The following GSC variants were observed in gnomAD, a reference collection of about 807,000 sequenced individuals.
GSC encodes homeobox protein goosecoid.
A neutral mutation model predicts 24.5 loss-of-function variants in GSC; 13 were observed. The observed-to-expected ratio is 0.53, with a 90% CI of 0.35 to 0.84. GSC has a LOEUF of 0.84. Ranked by LOEUF, GSC falls within the 40% of genes least tolerant of loss-of-function variation. GSC has a pLI of 0.01. For missense variants in GSC, 382 were observed against 384.2 expected, an observed-to-expected ratio of 0.99 and a Z score of 0.05; for synonymous variants, 199 against 182.1, an observed-to-expected ratio of 1.09 and a Z score of -0.75.
intron 1 of GSC, 27 bp downstream of exon 1, chr14:94,769,634 C>T: frequency 2.8e-6 from 4 of 1,404,336 alleles, no homozygotes; most frequent in Non-Finnish European, 2.8e-6. Flanking sequence ...CAGTGGGCGG[C>T]AGAGGCCGGA....
intron 2 of GSC, 57 bp from the exon 3 acceptor site, chr14:94,768,706 CGGGGCACCCG>C: frequency 1.3e-6 from 2 of 1,599,436 alleles, no homozygotes; most frequent in Non-Finnish European, 1.7e-6. Flanking sequence ...CCCCCAGTCC[CGGGGCACCCG>C]GGGAGCTTGG....
intron 2 of GSC, 58 bp from the exon 3 acceptor site, chr14:94,768,707 G>T: frequency 6.3e-7 from 1 of 1,599,328 alleles, no homozygotes; most frequent in South Asian, 1.1e-5. Flanking sequence ...CCCCAGTCCC[G>T]GGGCACCCGG....
chr14:94,768,574 T>C lies in GSC; in HGVS notation c.691A>G (p.Lys231Glu). ...SSSEESENAE[K>E]WNKTSSSKAS... Reference sequence around the variant, plus strand: ...TTCGACGACGACGTCTTGTTCCACTTCTCCGCGTTCTCCGACTCCTCTGAT... The same window carrying C: ...TTCGACGACGACGTCTTGTTCCACTCCTCCGCGTTCTCCGACTCCTCTGAT... Residue 231 changes from lysine to glutamate, a missense_variant, in exon 3 of 3, where the codon AAG (lysine) becomes GAG (glutamate). Physicochemically the swap from Lys to Glu is moderately conservative, Grantham distance 56. Coordinates refer to ENST00000238558, the MANE Select transcript of GSC (RefSeq NM_173849.3). The C allele has an allele frequency of 6.2e-7, 1 of 1,614,170 alleles. No individual in the cohort carries two copies. The highest frequency in any genetic ancestry group is 1.7e-5 in the Admixed American group (1 of 60,028).
Position 94,769,019 on chromosome 14 carries a change from G to T in GSC, c.554C>A (p.Pro185Gln). Residue 185 changes from proline (P) to glutamine (Q), a missense_variant, in exon 2 of 3, where the codon CCG becomes CAG. Transcript: ENST00000238558. Reference protein sequence around the residue: ...LENLFQETKYPDVGTREQLAR... With the variant: ...LENLFQETKYQDVGTREQLAR... ...CAGCTGCTCGCGCGTGCCCACGTCCGGGTACTTGGTCTCCTGGAAGAGGTT... is the reference window on the plus strand; with the variant it reads ...CAGCTGCTCGCGCGTGCCCACGTCCTGGTACTTGGTCTCCTGGAAGAGGTT... 2 of 1,597,046 alleles carry T rather than the reference G, an allele frequency of 1.3e-6. No homozygotes were observed.
rs771631083 is a variant in GSC at position 94,768,530 on chromosome 14, C to T, written c.735G>A (p.Arg245=). 5.0e-6 allele frequency: 8 copies of T among 1,614,100 alleles called. No homozygotes were observed. The African/African-American group carries it at 8.0e-5, about 16-fold the overall frequency. The change falls in exon 3 of 3, where the codon AGG becomes AGA. Residue 245 remains arginine, a synonymous_variant. Coordinates refer to ENST00000238558, the MANE Select transcript of GSC (RefSeq NM_173849.3). ...CCAAATCGCTTTTACCTTCCTCTTC[C>T]CTCTTCTCCGGTGACGCCTTCGACG... ...TSSSKASPEK[R]EEEGKSDLDS... is the part of the protein sequence containing the mutation.
At chr14:94,768,853 G>A (rs1885223432) in intron 2 of GSC, 105 bp downstream of exon 2, 1 of 1,478,194 alleles carries the variant, frequency 6.8e-7, no homozygotes, top group Non-Finnish European at 9.1e-7. Flanking sequence ...CCATCGGGAT[G>A]TTTTTAAAGT....
Position 94,770,065 on chromosome 14 carries a change from A to G in GSC, c.-50T>C, listed in dbSNP as rs764449322. The G allele has an allele frequency of 1.3e-6, 2 of 1,492,388 alleles. No individual in the cohort carries two copies. Among genetic ancestry groups the G allele is most frequent in the African/African-American group, 1.4e-5 (1 of 69,548 alleles). 92.4% of individuals were successfully genotyped at this position (1,492,388 alleles called of 1,614,324 possible). ...GGGGCGGCGGGAACGCGCCGAGGAC[A>G]GAGCCTTAAAGTGGGGGGGTCCACT... is the stretch of plus-strand genomic sequence containing the variant. On this transcript the variant is annotated 5_prime_UTR_variant, in exon 1 of 3. Coordinates refer to ENST00000238558, the MANE Select transcript of GSC (RefSeq NM_173849.3).
In GSC at chr14:94,769,811, G is replaced by C; in HGVS notation, c.205C>G (p.Leu69Val). ...CGGGAGCCGCTGACCGCGGCCGGGA[G>C]GCCCGCGCCGCCGGGGGCCACGGGG... ...PRPVAPGGAG[L>V]PAAVSGSRLG... Residue 69 changes from leucine (L) to valine (V), a missense_variant, in exon 1 of 3, where the codon CTC becomes GTC. Physicochemically the swap from Leu to Val is conservative, Grantham distance 32. Coordinates refer to ENST00000238558, the MANE Select transcript of GSC (RefSeq NM_173849.3). The C allele has an allele frequency of 7.1e-7, 1 of 1,413,600 alleles. No homozygotes were observed. The highest frequency in any genetic ancestry group is 9.1e-7 in the Non-Finnish European group (1 of 1,096,100). 87.6% of individuals were successfully genotyped at this position (1,413,600 alleles called of 1,614,324 possible). A position where few individuals can be genotyped will look rare whatever the true frequency, so the allele number is the denominator to read the frequency against.
Position 94,768,472 on chromosome 14 carries a change from G to T in GSC, c.*19C>A. ...TCCTTCGAGTTAGGTAAGTAATACG[G>T]GCAAGTGTCCCGCGGCCGTCAGCTG... On this transcript the variant is annotated 3_prime_UTR_variant, in exon 3 of 3. Transcript: ENST00000238558. 6.2e-7 allele frequency: 1 copy of T among 1,614,064 alleles called. No individual in the cohort carries two copies.
In GSC at chr14:94,769,731, C is replaced by G; in HGVS notation, c.285G>C (p.Val95=). The part of the protein sequence containing the change: ...YGQLHVQAAP[V]GPACCGAVPP... ...GCACGGCCCCGCAGCAGGCCGGGCC[C>G]ACGGGCGCCGCCTGCACGTGCAGCT... is the stretch of plus-strand genomic sequence containing the variant. Residue 95 remains valine (V), a synonymous_variant, in exon 1 of 3, where the codon GTG becomes GTC. Coordinates refer to ENST00000238558, the MANE Select transcript of GSC (RefSeq NM_173849.3). 1 of 1,444,338 alleles carries G rather than the reference C, an allele frequency of 6.9e-7. No homozygotes were observed. Among genetic ancestry groups the G allele is most frequent in the African/African-American group, 1.5e-5 (1 of 66,880 alleles). 89.5% of individuals were successfully genotyped at this position (1,444,338 alleles called of 1,614,324 possible).
rs2139703291 is a variant in GSC, at chr14:94,769,183, C to T, written c.390G>A (p.Pro130=). 1.9e-6 allele frequency: 3 copies of T among 1,561,420 alleles called. No homozygotes were observed. The highest frequency in any genetic ancestry group is 1.2e-5 in the South Asian group (1 of 84,918). ...YEGPGSVLVS[P]VPHQMLPYMN... is the part of the protein sequence containing the mutation. The stretch of plus-strand genomic sequence containing the variant: ...TGTAGGGCAGCATCTGGTGCGGTAC[C>T]GGGGACACCAGCACCGAACCGGGGC... The change falls in exon 2 of 3, where the codon CCG becomes CCA. Residue 130 remains proline (P), a synonymous_variant. Transcript: ENST00000238558.
Position 94,769,696 on chromosome 14 carries a change from C to A in GSC, c.320G>T (p.Gly107Val). ...CGGGACGCAGGAGCACTGCTGGGCG[C>A]CCAGCGGCGGCACGGCCCCGCAGCA... is the stretch of plus-strand genomic sequence containing the variant. ...PACCGAVPPL[G>V]AQQCSCVPTP... Residue 107 changes from glycine (G) to valine (V), a missense_variant, in exon 1 of 3, where the codon GGC (glycine) becomes GTC (valine). Gly to Val is a moderately radical substitution (Grantham distance 109). Coordinates refer to ENST00000238558, the MANE Select transcript of GSC (RefSeq NM_173849.3). 1 of 1,446,086 alleles carries A rather than the reference C, an allele frequency of 6.9e-7. No homozygotes were observed. Among genetic ancestry groups the A allele is most frequent in the Non-Finnish European group, 9.0e-7 (1 of 1,108,680 alleles). 89.6% of individuals were successfully genotyped at this position (1,446,086 alleles called of 1,614,324 possible).
chr14:94,768,624 T>C lies in GSC; in HGVS notation c.641A>G (p.Lys214Arg). The C allele has an allele frequency of 6.2e-7, 1 of 1,613,946 alleles. No homozygotes were observed. Among genetic ancestry groups the C allele is most frequent in the Non-Finnish European group, 8.5e-7 (1 of 1,180,026 alleles). ...TGAGGACCGCTTCTGCCGCCTCCAT[T>C]TGGCGCGGCGGTTCTTAAACCAGAC... Reference protein sequence around the residue: ...VEVWFKNRRAKWRRQKRSSSE... With the variant: ...VEVWFKNRRARWRRQKRSSSE... Residue 214 changes from lysine to arginine, a missense_variant, in exon 3 of 3, where the codon AAA (lysine) becomes AGA (arginine). Physicochemically the swap from Lys to Arg is conservative, Grantham distance 26. Coordinates refer to ENST00000238558, the MANE Select transcript of GSC (RefSeq NM_173849.3).
At position 94,769,917 on chromosome 14, in the gene GSC, G is replaced by T. The variant is rs1171511816; in HGVS notation, c.99C>A (p.Val33=). The part of the protein sequence containing the change: ...LPVAHSAAAP[V]VFPALHGDSL... ...AGTCCCCGTGCAGGGCCGGGAAGAC[G>T]ACGGGAGCCGCCGCGCTGTGCGCCA... The change falls in exon 1 of 3, where the codon GTC becomes GTA. Residue 33 remains valine, a synonymous_variant. Coordinates refer to ENST00000238558, the MANE Select transcript of GSC (RefSeq NM_173849.3). The T allele has an allele frequency of 6.5e-7, 1 of 1,533,296 alleles. No individual in the cohort carries two copies. Among genetic ancestry groups the T allele is most frequent in the Non-Finnish European group, 8.7e-7 (1 of 1,147,600 alleles). 95.0% of individuals were successfully genotyped at this position (1,533,296 alleles called of 1,614,324 possible). A position where few individuals can be genotyped will look rare whatever the true frequency, so the allele number is the denominator to read the frequency against.
At chr14:94,769,402 C>T (rs529076811) in intron 1 of GSC, among the ~76,000 whole-genome samples, 185 bp from the exon 2 acceptor site, 208 of 152,196 alleles carry the variant, frequency 1.4e-3, no homozygotes, top group Middle Eastern at 0.01. Context: ...TCCGCACACC[C>T]GCCAAAGCCA....
At position 94,769,084 on chromosome 14, in the gene GSC, G is replaced by A. The variant is rs749804563; in HGVS notation, c.489C>T (p.His163=). 4.7e-5 allele frequency: 75 copies of A among 1,592,286 alleles called. No individual in the cohort carries two copies. The Admixed American group carries it at 1.0e-3, about 22-fold the overall frequency. Residue 163 remains histidine (H), a synonymous_variant, in exon 2 of 3, where the codon CAC becomes CAT. Coordinates refer to ENST00000238558, the MANE Select transcript of GSC (RefSeq NM_173849.3). ...NQLHCRRKRR[H]RTIFTDEQLE... is the part of the protein sequence containing the mutation. ...GCTGCTCGTCAGTGAAGATGGTGCG[G>A]TGCCGCCGCTTCCGCCGACAGTGCA...
intron 1 of GSC, 63 bp from the exon 2 acceptor site, chr14:94,769,280 C>G: frequency 6.6e-7 from 1 of 1,525,928 alleles, no homozygotes; most frequent in Non-Finnish European, 8.8e-7. Flanking sequence ...TGCACGCCCG[C>G]CAGCCCCCGA....
chr14:94,769,782 G>A lies in GSC; in HGVS notation c.234C>T (p.Leu78=), dbSNP rs763969125. 2.1e-6 allele frequency: 3 copies of A among 1,431,616 alleles called. No individual in the cohort carries two copies. In the African/African-American group the frequency reaches 4.5e-5, roughly 22 times the overall value. The allele number at this position is 1,431,616 out of a possible 1,614,324, so 88.7% of individuals were successfully genotyped here. The change falls in exon 1 of 3, where the codon CTC becomes CTT. Residue 78 remains leucine, a synonymous_variant. Coordinates refer to ENST00000238558, the MANE Select transcript of GSC (RefSeq NM_173849.3). The part of the protein sequence containing the change: ...GLPAAVSGSR[L]GYNNYFYGQL... ...GCCCGTAGAAGTAGTTGTTGTAGCCGAGGCGGGAGCCGCTGACCGCGGCCG... is the reference window on the plus strand; with the variant it reads ...GCCCGTAGAAGTAGTTGTTGTAGCCAAGGCGGGAGCCGCTGACCGCGGCCG...
chr14:94,770,091 C>G lies in GSC; in HGVS notation c.-76G>C. Reference sequence around the variant, plus strand: ...GAGCCTTAAAGTGGGGGGGTCCACTCTCCTCCAGCCGCCGACCAAACCGAA... The same window carrying G: ...GAGCCTTAAAGTGGGGGGGTCCACTGTCCTCCAGCCGCCGACCAAACCGAA... On this transcript the variant is annotated 5_prime_UTR_variant, in exon 1 of 3. Transcript: ENST00000238558. 1 of 1,346,712 alleles carries G rather than the reference C, an allele frequency of 7.4e-7. No individual in the cohort carries two copies. The highest frequency in any genetic ancestry group is 1.0e-6 in the Non-Finnish European group (1 of 1,002,562). The allele number at this position is 1,346,712 out of a possible 1,614,324, so 83.4% of individuals were successfully genotyped here.
Sources: allele counts gnomAD v4.1 joint callset (sites outside exome capture counted in the v4.1 genomes callset), GRCh38; gene constraint gnomAD v4.1.1; transcripts MANE v1.5; gene names NCBI Gene and HGNC (gene_info 2026-07-23, HGNC 2026-07-21).